PDE1C: variants seen among roughly 807,000 people sequenced by gnomAD.
PDE1C encodes the protein dual specificity calcium/calmodulin-dependent 3',5'-cyclic nucleotide phosphodiesterase 1C.
PDE1C carries 62 observed loss-of-function variants against 93.1 expected under a neutral mutation model. The observed-to-expected ratio is 0.67, with a 90% confidence interval of 0.54 to 0.82. PDE1C has a LOEUF of 0.82. PDE1C is among the 40% of genes least tolerant of loss of function. The probability of loss-of-function intolerance (pLI) is 0.00; values close to 1 mark genes in which losing one functional copy is unlikely to be tolerated. For missense variants in PDE1C, 742 were observed against 884.6 expected, an observed-to-expected ratio of 0.84 and a Z score of 2.04; for synonymous variants, 325 against 310.1, an observed-to-expected ratio of 1.05 and a Z score of -0.50.
At chr7:31,986,206 C>T (rs920360136) in intron 2 of PDE1C, among the ~76,000 whole-genome samples, 1 of 152,164 alleles carries the variant, frequency 6.6e-6, no homozygotes, top group Admixed American at 6.5e-5. Context: ...TCCTTCCTTG[C>T]CTCCTCCTAG....
intron 2 of PDE1C, among the ~76,000 whole-genome samples, chr7:31,984,283 C>T (rs1291793975): frequency 6.6e-6 from 1 of 152,128 alleles, no homozygotes; most frequent in African/African-American, 2.4e-5. Flanking sequence ...GAATTGTGCA[C>T]ATGAGGGATC....
At chr7:31,852,234 T>C (rs1055574233) in intron 7 of PDE1C, among the ~76,000 whole-genome samples, 4 of 152,124 alleles carry the variant, frequency 2.6e-5, no homozygotes, top group African/African-American at 9.7e-5. Flanking sequence ...AGAGTGAGCA[T>C]AAACATAACT....
intron 1 of PDE1C, among the ~76,000 whole-genome samples, chr7:32,284,828 T>C (rs1055020908): frequency 5.3e-5 from 8 of 150,766 alleles, no homozygotes; most frequent in African/African-American, 1.2e-4. Context: ...AGGTCAAGAG[T>C]TCAAGACCAA....
the PDE1C span, among the ~76,000 whole-genome samples, chr7:31,736,563 A>G: frequency 6.6e-6 from 1 of 152,082 alleles, no homozygotes; most frequent in Non-Finnish European, 1.5e-5. Flanking sequence ...TTCCCTACAC[A>G]CCACCGCCAC....
chr7:31,873,536 T>C, intron 5 of PDE1C, 128 bp from the exon 6 acceptor site: 1 of 635,140 alleles, frequency 1.6e-6, no homozygotes, highest in East Asian at 2.7e-5. Flanking sequence ...CAAACAGACT[T>C]TCCACTCTCA....
intron 2 of PDE1C, among the ~76,000 whole-genome samples, chr7:32,200,621 G>A (rs1443452463): frequency 6.6e-6 from 1 of 152,210 alleles, no homozygotes; most frequent in Non-Finnish European, 1.5e-5. Context: ...ACTTTGGGAA[G>A]CTCTCAGAGA....
At chr7:32,230,530 C>T (rs947659319) in intron 1 of PDE1C, among the ~76,000 whole-genome samples, 1 of 152,094 alleles carries the variant, frequency 6.6e-6, no homozygotes, top group Non-Finnish European at 1.5e-5. Flanking sequence ...CCCCCACTCC[C>T]GCCAACAAAC....
the PDE1C span, chr7:31,643,321 C>A: frequency 6.2e-7 from 1 of 1,613,954 alleles, no homozygotes; most frequent in African/African-American, 1.3e-5. Flanking sequence ...TGAAATCACA[C>A]CTTATGCAAC....
chr7:31,805,400 A>G (rs1261554346), intron 16 of PDE1C, among the ~76,000 whole-genome samples: 3 of 151,902 alleles, frequency 2.0e-5, no homozygotes, highest in African/African-American at 7.2e-5. Flanking sequence ...AGAAAGTGAA[A>G]CTGACAATAA....
intron 1 of PDE1C, among the ~76,000 whole-genome samples, chr7:32,316,636 G>T (rs1475615851): frequency 6.6e-6 from 1 of 152,082 alleles, no homozygotes; most frequent in African/African-American, 2.4e-5. Context: ...TTGACAAGAC[G>T]ACTGAAATCT....
chr7:32,297,998 CTCT>C (rs1562660201), intron 1 of PDE1C, among the ~76,000 whole-genome samples: 2 of 7,656 alleles, frequency 2.6e-4, no homozygotes, highest in African/African-American at 1.3e-3. Context: ...TCTCTCTCTC[CTCT>C]CTCTCTCTCT....
chr7:32,149,050 C>T (rs140078018), intron 3 of PDE1C, among the ~76,000 whole-genome samples: 163 of 152,200 alleles, frequency 1.1e-3, no homozygotes, highest in African/African-American at 3.9e-3. Flanking sequence ...TTTCTGACTC[C>T]CAATTAAAGT....
At chr7:31,806,941 T>C (rs1786914786) in intron 16 of PDE1C, among the ~76,000 whole-genome samples, 2 of 151,946 alleles carry the variant, frequency 1.3e-5, no homozygotes, top group Admixed American at 6.6e-5. Context: ...ATCTACATAT[T>C]TCCTTTTTAA....
chr7:31,619,274 TCATAATTTA>T, the PDE1C span, among the ~76,000 whole-genome samples: 2 of 152,118 alleles, frequency 1.3e-5, no homozygotes, highest in Non-Finnish European at 2.9e-5. Context: ...GGGTAAACTC[TCATAATTTA>T]CATATGAGAA....
At chr7:32,410,238 T>G (rs1196238857) in intron 1 of PDE1C, among the ~76,000 whole-genome samples, 3 of 151,848 alleles carry the variant, frequency 2.0e-5, no homozygotes, top group African/African-American at 7.3e-5. Flanking sequence ...GAGGCTGAGG[T>G]GGGAGCATCG....
chr7:31,692,470 T>C, the PDE1C span: 5 of 1,611,966 alleles, frequency 3.1e-6, no homozygotes, highest in Non-Finnish European at 4.2e-6. Flanking sequence ...ATGCAGCCAC[T>C]GGAACTCTCA....
intron 1 of PDE1C, among the ~76,000 whole-genome samples, chr7:32,416,393 G>A (rs1489852338): frequency 6.6e-6 from 1 of 152,156 alleles, no homozygotes; most frequent in Non-Finnish European, 1.5e-5. Flanking sequence ...TGTTCCTCCA[G>A]GAGACTCACA....
At chr7:31,926,495 A>G (rs1803395964) in intron 2 of PDE1C, among the ~76,000 whole-genome samples, 1 of 152,212 alleles carries the variant, frequency 6.6e-6, no homozygotes, top group African/African-American at 2.4e-5. Context: ...GAAAACTACC[A>G]GTTGGATGGC....
At chr7:31,920,107 G>C (rs1483366193) in intron 2 of PDE1C, among the ~76,000 whole-genome samples, 2 of 152,046 alleles carry the variant, frequency 1.3e-5, no homozygotes, top group Non-Finnish European at 2.9e-5. Flanking sequence ...CAATCTTCTG[G>C]GCATCCATTC....
Sources: gnomAD v4.1 joint callset for allele counts (sites outside exome capture counted in the v4.1 genomes callset) on GRCh38, gnomAD v4.1.1 for gene constraint, MANE v1.5 for transcripts, NCBI Gene and HGNC (gene_info 2026-07-23, HGNC 2026-07-21) for gene names.